The following MTBP variants were observed in gnomAD, a reference collection of about 807,000 sequenced individuals.
The protein encoded by MTBP is mdm2-binding protein.
A neutral mutation model predicts 117.0 loss-of-function variants in MTBP; 101 were observed. The ratio of observed to expected loss-of-function variants is 0.86; its 90% CI spans 0.73 to 1.02. MTBP has a LOEUF of 1.02. Ranked by LOEUF, MTBP falls within the 50% of genes least tolerant of loss-of-function variation. The probability of loss-of-function intolerance (pLI) is 0.00; values close to 1 mark genes in which losing one functional copy is unlikely to be tolerated. For missense variants in MTBP, 970 were observed against 1,030.9 expected, an observed-to-expected ratio of 0.94 and a Z score of 0.81; for synonymous variants, 350 against 351.5, an observed-to-expected ratio of 1.00 and a Z score of 0.05.
intron 12 of MTBP, among the ~76,000 whole-genome samples, chr8:120,490,026 A>G (rs188318076): frequency 1.2e-4 from 19 of 152,324 alleles, no homozygotes; most frequent in Middle Eastern, 3.4e-3. Context: ...AGACACGGCT[A>G]AGGCTATCAT....
chr8:120,493,829 G>A (rs1318493513), intron 13 of MTBP, among the ~76,000 whole-genome samples: 4 of 151,966 alleles, frequency 2.6e-5, no homozygotes, highest in Admixed American at 6.6e-5. Flanking sequence ...AAAACATAGG[G>A]GCTAATTTCT....
chr8:120,478,614 C>T (rs1483992449), intron 11 of MTBP, among the ~76,000 whole-genome samples: 1 of 152,108 alleles, frequency 6.6e-6, no homozygotes, highest in African/African-American at 2.4e-5. Context: ...AAAATCATAT[C>T]TGATTGTTTT....
chr8:120,445,794 C>T (rs1813213589), intron 1 of MTBP, among the ~76,000 whole-genome samples: 1 of 152,096 alleles, frequency 6.6e-6, no homozygotes, highest in East Asian at 1.9e-4. Context: ...GATTCCAGCC[C>T]TTAGAAGTTC....
At chr8:120,512,032 G>C (rs2130615320) in intron 17 of MTBP, among the ~76,000 whole-genome samples, 1 of 152,078 alleles carries the variant, frequency 6.6e-6, no homozygotes, top group African/African-American at 2.4e-5. Flanking sequence ...CAGCTATAAA[G>C]CAGTATCTCC....
chr8:120,491,213 T>C (rs547976119), intron 13 of MTBP, among the ~76,000 whole-genome samples: 36 of 152,242 alleles, frequency 2.4e-4, no homozygotes, highest in East Asian at 1.9e-3. Flanking sequence ...TTGATTCAAA[T>C]TGTGAGTTCT....
intron 11 of MTBP, chr8:120,473,653 T>C (rs1033397512): frequency 6.6e-6 from 1 of 152,154 alleles, no homozygotes; most frequent in Admixed American, 6.6e-5. Flanking sequence ...ACATTATTAC[T>C]GTAACTTACT....
At position 120,499,943 on chromosome 8, in the gene MTBP, A is replaced by G. The variant is rs1176120204; in HGVS notation, c.1609+2389A>G. On this transcript the variant is annotated intron_variant, in intron 14 of 21. Coordinates refer to ENST00000305949, the MANE Select transcript of MTBP (RefSeq NM_022045.5). The stretch of plus-strand genomic sequence containing the variant: ...ATCAGATCGTTATTTTATTACTTCA[A>G]ACACTTAAAAAGGATCTTCTGGCAT... Among the ~76,000 whole-genome samples, 4 of 152,212 alleles carry G rather than the reference A, an allele frequency of 2.6e-5. No individual in the cohort carries two copies. In the East Asian group the frequency reaches 5.8e-4, roughly 22 times the overall value.
At chr8:120,502,751 T>A (rs910484403) in intron 15 of MTBP, 142 bp downstream of exon 15, 4 of 563,302 alleles carry the variant, frequency 7.1e-6, no homozygotes, top group African/African-American at 1.9e-5. Context: ...GAATAGATAG[T>A]TAATCACTAG....
chr8:120,446,979 C>G (rs1285949926), intron 2 of MTBP, among the ~76,000 whole-genome samples: 1 of 152,114 alleles, frequency 6.6e-6, no homozygotes, highest in East Asian at 1.9e-4. Flanking sequence ...TCTGCTTTGA[C>G]TTTTTGAAGT....
At chr8:120,478,971 A>G (rs73315178) in intron 11 of MTBP, among the ~76,000 whole-genome samples, 2,142 of 152,340 alleles carry the variant, frequency 0.014, 58 homozygotes, top group African/African-American at 0.048. Flanking sequence ...TGGTACATGT[A>G]CACCATGGAA....
intron 4 of MTBP, chr8:120,452,109 TG>T (rs1483499805): frequency 6.6e-6 from 1 of 152,234 alleles, no homozygotes; most frequent in African/African-American, 2.4e-5. Context: ...TGGTACAATA[TG>T]TAAGTTGATC....
At chr8:120,460,482 T>A (rs1247496260) in intron 8 of MTBP, among the ~76,000 whole-genome samples, 6 of 152,180 alleles carry the variant, frequency 3.9e-5, no homozygotes, top group Admixed American at 3.3e-4. Context: ...GTGTAACCTC[T>A]TCAAGAAGTG....
chr8:120,490,134 G>A (rs1027840343), intron 12 of MTBP, among the ~76,000 whole-genome samples: 4 of 151,934 alleles, frequency 2.6e-5, no homozygotes, highest in East Asian at 3.9e-4. Flanking sequence ...GGCTTTTGGG[G>A]GTATCTTTAC....
intron 12 of MTBP, among the ~76,000 whole-genome samples, chr8:120,489,732 A>G (rs1814303310): frequency 1.3e-5 from 2 of 152,194 alleles, no homozygotes. Context: ...GTTGTGAGCC[A>G]GGCCCCCAAG....
intron 2 of MTBP, among the ~76,000 whole-genome samples, chr8:120,447,613 A>G (rs982708035): frequency 2.0e-5 from 3 of 152,166 alleles, no homozygotes; most frequent in Admixed American, 6.6e-5. Context: ...AATATAATCA[A>G]TGAGAAAAAT....
At chr8:120,488,044 C>A in intron 11 of MTBP, 115 bp from the exon 12 acceptor site, 1 of 767,552 alleles carries the variant, frequency 1.3e-6, no homozygotes, top group Non-Finnish European at 1.9e-6. Context: ...AATGTATTAA[C>A]AGCTTGTTTT....
chr8:120,491,426 G>A (rs1207022339), intron 13 of MTBP, among the ~76,000 whole-genome samples: 1 of 152,006 alleles, frequency 6.6e-6, no homozygotes, highest in Non-Finnish European at 1.5e-5. Flanking sequence ...AAAATCCAGG[G>A]TAATTGTTTA....
intron 16 of MTBP, among the ~76,000 whole-genome samples, chr8:120,508,453 TTAA>T (rs1267937794): frequency 2.6e-5 from 4 of 152,186 alleles, no homozygotes; most frequent in Non-Finnish European, 4.4e-5. Flanking sequence ...CAAAATTATT[TTAA>T]TAATCATCGA....
intron 8 of MTBP, among the ~76,000 whole-genome samples, chr8:120,459,699 C>A (rs1162079852): frequency 6.6e-6 from 1 of 152,066 alleles, no homozygotes; most frequent in African/African-American, 2.4e-5. Flanking sequence ...GGGTTTGGAA[C>A]CTAACTGTGT....
Sources: allele counts gnomAD v4.1 joint callset (sites outside exome capture counted in the v4.1 genomes callset), GRCh38; gene constraint gnomAD v4.1.1; transcripts MANE v1.5; gene names NCBI Gene and HGNC (gene_info 2026-07-23, HGNC 2026-07-21).